CNTNAP4: variants seen among roughly 807,000 people sequenced by gnomAD.
CNTNAP4 encodes contactin-associated protein-like 4.
CNTNAP4 carries 98 observed loss-of-function variants against 148.4 expected under a neutral mutation model. That is an observed-to-expected ratio of 0.66 (90% confidence interval 0.56 to 0.78). CNTNAP4 has a LOEUF of 0.78. Among genes scored for constraint, CNTNAP4 ranks in the 30% least tolerant of loss-of-function variants. The probability of loss-of-function intolerance (pLI) is 0.00; values close to 1 mark genes in which losing one functional copy is unlikely to be tolerated. For synonymous variants in CNTNAP4, 730 were observed against 565.1 expected (o/e 1.29, Z -4.14); for missense variants, 1,935 against 1,565.6 (o/e 1.24, Z -3.98).
At chr16:76,503,309 A>G (rs896290190) in intron 15 of CNTNAP4, among the ~76,000 whole-genome samples, 2 of 152,170 alleles carry the variant, frequency 1.3e-5, no homozygotes, top group African/African-American at 2.4e-5. Flanking sequence ...AAGTTGCAGC[A>G]AAAGTTAATC....
chr16:76,279,746 G>T (rs959317717), intron 1 of CNTNAP4, among the ~76,000 whole-genome samples: 1 of 152,146 alleles, frequency 6.6e-6, no homozygotes, highest in Non-Finnish European at 1.5e-5. Flanking sequence ...TATAATTAAA[G>T]TTGCACTCAG....
intron 17 of CNTNAP4, among the ~76,000 whole-genome samples, chr16:76,531,873 T>A (rs1325553338): frequency 6.6e-6 from 1 of 152,192 alleles, no homozygotes; most frequent in African/African-American, 2.4e-5. Flanking sequence ...ACTATTTGGT[T>A]AGGTAAATAA....
chr16:76,367,554 T>C (rs1242644726), intron 3 of CNTNAP4, among the ~76,000 whole-genome samples: 2 of 152,222 alleles, frequency 1.3e-5, no homozygotes, highest in African/African-American at 4.8e-5. Flanking sequence ...GGTCTTTGGT[T>C]AAGACTGACA....
chr16:76,340,251 C>T (rs1964357584), intron 2 of CNTNAP4, among the ~76,000 whole-genome samples: 1 of 152,138 alleles, frequency 6.6e-6, no homozygotes. Context: ...GAAGCAGGAA[C>T]ATAGCTGCCC....
At chr16:76,341,004 A>G (rs1339809280) in intron 2 of CNTNAP4, among the ~76,000 whole-genome samples, 1 of 152,164 alleles carries the variant, frequency 6.6e-6, no homozygotes, top group Non-Finnish European at 1.5e-5. Context: ...CTGACACTTT[A>G]TATTTTTTGC....
chr16:76,387,362 CATT>C (rs1375138718), intron 3 of CNTNAP4, among the ~76,000 whole-genome samples: 3 of 152,162 alleles, frequency 2.0e-5, no homozygotes, highest in Admixed American at 1.3e-4. Flanking sequence ...TCTCAAATCT[CATT>C]ATATAATTTG....
intron 2 of CNTNAP4, among the ~76,000 whole-genome samples, chr16:76,330,627 G>C (rs1308962887): frequency 6.6e-6 from 1 of 152,138 alleles, no homozygotes; most frequent in Non-Finnish European, 1.5e-5. Context: ...TTTATGAATT[G>C]GCTACCATTC....
chr16:76,379,849 C>T (rs2015791498), intron 3 of CNTNAP4, among the ~76,000 whole-genome samples: 1 of 152,076 alleles, frequency 6.6e-6, no homozygotes, highest in South Asian at 2.1e-4. Context: ...TGTTCTGTTC[C>T]TGGGTTAATG....
At chr16:76,412,389 A>T (rs1378482686) in intron 3 of CNTNAP4, among the ~76,000 whole-genome samples, 1 of 151,408 alleles carries the variant, frequency 6.6e-6, no homozygotes, top group Non-Finnish European at 1.5e-5. Flanking sequence ...TTGCCAACTC[A>T]TAAAAAATGT....
At chr16:76,381,157 C>A (rs2015924670) in intron 3 of CNTNAP4, among the ~76,000 whole-genome samples, 1 of 152,168 alleles carries the variant, frequency 6.6e-6, no homozygotes, top group Non-Finnish European at 1.5e-5. Flanking sequence ...ATCAGATGGA[C>A]TGAATTTTAG....
chr16:76,302,096 G>C (rs1197306831), intron 1 of CNTNAP4, among the ~76,000 whole-genome samples: 1 of 152,030 alleles, frequency 6.6e-6, no homozygotes, highest in Non-Finnish European at 1.5e-5. Context: ...GGTGACTTAG[G>C]AATGATATCC....
chr16:76,528,556 C>T (rs181176207), intron 17 of CNTNAP4, among the ~76,000 whole-genome samples: 61 of 152,266 alleles, frequency 4.0e-4, no homozygotes, highest in South Asian at 2.1e-4. Context: ...TGAGCCACCA[C>T]GCCTCACCTG....
chr16:76,480,274 A>G (rs1361450377), intron 12 of CNTNAP4, among the ~76,000 whole-genome samples: 6 of 152,222 alleles, frequency 3.9e-5, no homozygotes, highest in African/African-American at 1.4e-4. Flanking sequence ...AACAACAAAC[A>G]TAAAATTAAT....
chr16:76,431,708 A>G (rs547527288), intron 4 of CNTNAP4, among the ~76,000 whole-genome samples: 1 of 152,286 alleles, frequency 6.6e-6, no homozygotes, highest in African/African-American at 2.4e-5. Flanking sequence ...AGCAGATTCA[A>G]AATATTCTTA....
At chr16:76,453,327 A>G (rs1338825776) in intron 8 of CNTNAP4, among the ~76,000 whole-genome samples, 3 of 152,240 alleles carry the variant, frequency 2.0e-5, no homozygotes, top group Non-Finnish European at 4.4e-5. Flanking sequence ...TCACCAAATG[A>G]AATTCTCTCT....
chr16:76,540,848 A>T (rs2084421939), intron 21 of CNTNAP4, 58 bp downstream of exon 21: 5 of 1,230,816 alleles, frequency 4.1e-6, no homozygotes, highest in Non-Finnish European at 5.8e-6. Context: ...ATAAGCATGG[A>T]TCAGAAAAGT....
intron 1 of CNTNAP4, among the ~76,000 whole-genome samples, chr16:76,315,272 G>A (rs1260277933): frequency 6.6e-6 from 1 of 152,028 alleles, no homozygotes; most frequent in African/African-American, 2.4e-5. Context: ...ATTTCCATAG[G>A]ACACAAAATT....
intron 8 of CNTNAP4, among the ~76,000 whole-genome samples, chr16:76,459,599 G>A (rs1334221000): frequency 2.6e-5 from 4 of 152,032 alleles, no homozygotes; most frequent in East Asian, 1.9e-4. Flanking sequence ...GAAATTCTTC[G>A]GGAAAATAAA....
chr16:76,331,257 G>A (rs546423232), intron 2 of CNTNAP4, among the ~76,000 whole-genome samples: 2 of 151,380 alleles, frequency 1.3e-5, no homozygotes, highest in East Asian at 3.9e-4. Context: ...GCGCGATCTC[G>A]GCTCACTGTA....
Sources: gnomAD v4.1 joint callset for allele counts (sites outside exome capture counted in the v4.1 genomes callset) on GRCh38, gnomAD v4.1.1 for gene constraint, MANE v1.5 for transcripts, NCBI Gene and HGNC (gene_info 2026-07-23, HGNC 2026-07-21) for gene names.